The following ANKDD1B variants were observed in gnomAD, a reference collection of about 807,000 sequenced individuals.
The protein encoded by ANKDD1B is ankyrin repeat and death domain containing 1B.
A neutral mutation model predicts 59.7 loss-of-function variants in ANKDD1B; 57 were observed. That is an observed-to-expected ratio of 0.95 (90% CI 0.77 to 1.19). The LOEUF (loss-of-function observed/expected upper bound fraction) is 1.19. ANKDD1B is among the 50% of genes most tolerant of loss of function. ANKDD1B has a pLI of 0.00. For synonymous variants in ANKDD1B, 216 were observed against 239.5 expected (o/e 0.90, Z 0.91); for missense variants, 602 against 641.9 (o/e 0.94, Z 0.67).
intron 5 of ANKDD1B, among the ~76,000 whole-genome samples, chr5:75,632,479 T>A (rs981591920): frequency 6.6e-6 from 1 of 152,116 alleles, no homozygotes; most frequent in Non-Finnish European, 1.5e-5. Flanking sequence ...GCCAAAAAAA[T>A]ATCTCATGGT....
chr5:75,644,346 G>A (rs1579957000), intron 7 of ANKDD1B, among the ~76,000 whole-genome samples: 1 of 97,018 alleles, frequency 1.0e-5, no homozygotes, highest in South Asian at 3.5e-4. Context: ...CTGTATTCAG[G>A]AAACCCATCT....
At chr5:75,634,311 A>G (rs979610724) in intron 5 of ANKDD1B, among the ~76,000 whole-genome samples, 2 of 152,228 alleles carry the variant, frequency 1.3e-5, no homozygotes, top group African/African-American at 2.4e-5. Flanking sequence ...TCTCTGGGTA[A>G]TGCCTCATTT....
At chr5:75,631,137 A>G (rs1774144614) in intron 5 of ANKDD1B, among the ~76,000 whole-genome samples, 1 of 152,222 alleles carries the variant, frequency 6.6e-6, no homozygotes, top group African/African-American at 2.4e-5. Flanking sequence ...GTTGTTCTGC[A>G]AAGTAAAATG....
At chr5:75,628,942 G>C (rs1774068823) in intron 5 of ANKDD1B, among the ~76,000 whole-genome samples, 2 of 152,140 alleles carry the variant, frequency 1.3e-5, no homozygotes, top group South Asian at 4.1e-4. Flanking sequence ...GAAATAGAAA[G>C]GCCTCACACG....
intron 10 of ANKDD1B, among the ~76,000 whole-genome samples, chr5:75,663,010 C>T (rs1269964401): frequency 2.0e-5 from 3 of 152,142 alleles, no homozygotes; most frequent in African/African-American, 7.2e-5. Flanking sequence ...GCCATCATGT[C>T]AGCATTCCAC....
chr5:75,625,659 G>A lies in ANKDD1B; in HGVS notation c.409G>A (p.Val137Ile), dbSNP rs539336156. Residue 137 changes from valine to isoleucine, a missense_variant, in exon 4 of 14, where the codon GTA (valine) becomes ATA (isoleucine). By Grantham distance (29) the Val-to-Ile change is conservative. This residue lies in a region of ANKDD1B where 317 missense variants were observed against 304.6 expected (regional missense o/e 1.04). Transcript: ENST00000601380. ...VDVADKHGLTVIHLAAWSGSL... is the reference protein window; with the variant it reads ...VDVADKHGLTIIHLAAWSGSL... The stretch of plus-strand genomic sequence containing the variant: ...CTTCTTGGGGAAGCACGGCTTGACA[G>A]TAATTCACCTTGCAGCCTGGTCTGG... 4.1e-5 allele frequency: 63 copies of A among 1,536,384 alleles called. No homozygotes were observed. Among genetic ancestry groups the A allele is most frequent in the Non-Finnish European group, 5.4e-5 (62 of 1,146,948 alleles).
At chr5:75,655,936 TC>T in intron 8 of ANKDD1B, 92 bp from the exon 9 acceptor site, 1 of 626,324 alleles carries the variant, frequency 1.6e-6, no homozygotes, top group Non-Finnish European at 2.8e-6. Flanking sequence ...ACTTGGGAGA[TC>T]ATCAGGAAAT....
At position 75,611,629 on chromosome 5, in the gene ANKDD1B, G is replaced by T; in HGVS notation, c.-6G>T. ...GGCCCTGCGCTCAGGGCCCGCGGAG[G>T]AGACTATGGACCCCGCCGGGCGCGC... On this transcript the variant is annotated 5_prime_UTR_variant, in exon 1 of 14. Coordinates refer to ENST00000601380, the MANE Select transcript of ANKDD1B (RefSeq NM_001276713.2). The T allele has an allele frequency of 1.6e-6, 2 of 1,231,416 alleles. No homozygotes were observed. The highest frequency in any genetic ancestry group is 2.0e-6 in the Non-Finnish European group (2 of 987,870). The allele number at this position is 1,231,416 out of a possible 1,614,324, so 76.3% of individuals were successfully genotyped here.
chr5:75,664,050 C>T (rs1032961010), intron 11 of ANKDD1B, among the ~76,000 whole-genome samples: 1 of 152,246 alleles, frequency 6.6e-6, no homozygotes, highest in South Asian at 2.1e-4. Flanking sequence ...GACTGCCCTC[C>T]CCTGCAAGAT....
Position 75,620,374 on chromosome 5 carries a change from C to G in ANKDD1B, c.357C>G (p.Phe119Leu). 2 of 1,535,502 alleles carry G rather than the reference C, an allele frequency of 1.3e-6. No individual in the cohort carries two copies. Among genetic ancestry groups the G allele is most frequent in the Non-Finnish European group, 1.7e-6 (2 of 1,146,418 alleles). ...VGRNHLSAVD[F>L]LLKHKARVDV... is the part of the protein sequence containing the mutation. The stretch of plus-strand genomic sequence containing the variant: ...GAAATCATTTATCTGCAGTGGATTT[C>G]TTGCTTAAACACAAGGCCAGGGTGG... The change falls in exon 3 of 14, where the codon TTC becomes TTG. Residue 119 changes from phenylalanine to leucine, a missense_variant. Physicochemically the swap from Phe to Leu is conservative, Grantham distance 22. Coordinates refer to ENST00000601380, the MANE Select transcript of ANKDD1B (RefSeq NM_001276713.2).
At chr5:75,632,153 G>T (rs1336732897) in intron 5 of ANKDD1B, among the ~76,000 whole-genome samples, 2 of 151,740 alleles carry the variant, frequency 1.3e-5, no homozygotes, top group South Asian at 2.1e-4. Flanking sequence ...CTCATTGGTG[G>T]ACATTGAAGT....
chr5:75,670,247 T>G (rs536386234), intron 13 of ANKDD1B, among the ~76,000 whole-genome samples: 2 of 152,250 alleles, frequency 1.3e-5, no homozygotes, highest in Admixed American at 1.3e-4. Flanking sequence ...TTTTTATTAT[T>G]ATTTTTGGAT....
chr5:75,612,685 G>T (rs988048824), intron 1 of ANKDD1B, among the ~76,000 whole-genome samples: 7 of 152,102 alleles, frequency 4.6e-5, no homozygotes, highest in Non-Finnish European at 8.8e-5. Context: ...TGGTGGAGGG[G>T]TGATAGACAA....
At chr5:75,662,859 G>C (rs1330276263) in intron 10 of ANKDD1B, among the ~76,000 whole-genome samples, 1 of 151,952 alleles carries the variant, frequency 6.6e-6, no homozygotes, top group Non-Finnish European at 1.5e-5. Flanking sequence ...TTCTAGTTAG[G>C]GGTCCAGTGA....
intron 7 of ANKDD1B, among the ~76,000 whole-genome samples, chr5:75,652,264 C>A (rs1774852901): frequency 6.6e-6 from 1 of 152,138 alleles, no homozygotes; most frequent in Non-Finnish European, 1.5e-5. Flanking sequence ...ATTAGAGTTT[C>A]AACATATGAA....
intron 10 of ANKDD1B, 104 bp downstream of exon 10, chr5:75,659,485 G>A (rs1458858584): frequency 2.4e-6 from 2 of 818,780 alleles, no homozygotes; most frequent in African/African-American, 3.4e-5. Flanking sequence ...TGTGAAATGG[G>A]CACAAACTGG....
Position 75,670,224 on chromosome 5 carries a change from ATGAATTATCT to A in ANKDD1B, c.1526-752_1526-743del. Among the ~76,000 whole-genome samples the A allele has an allele frequency of 2.0e-5, 3 of 152,322 alleles. No individual in the cohort carries two copies. In the South Asian group the frequency reaches 6.2e-4, roughly 32 times the overall value. On this transcript the variant is annotated intron_variant, in intron 13 of 13. Coordinates refer to ENST00000601380, the MANE Select transcript of ANKDD1B (RefSeq NM_001276713.2). Reference sequence around the variant, plus strand: ...GCATTTACCCTGAAAAAACTTTGCCATGAATTATCTTGTTTTTATTATTATTTTTGGATCA... The same window carrying A: ...GCATTTACCCTGAAAAAACTTTGCCATGTTTTTATTATTATTTTTGGATCA...
intron 5 of ANKDD1B, among the ~76,000 whole-genome samples, chr5:75,626,621 C>T (rs1236020484): frequency 6.6e-6 from 1 of 152,186 alleles, no homozygotes; most frequent in African/African-American, 2.4e-5. Flanking sequence ...AGACCAAACA[C>T]CTGATCAAAA....
intron 1 of ANKDD1B, among the ~76,000 whole-genome samples, chr5:75,615,668 C>CTGTG (rs113185824): frequency 0.054 from 7,808 of 144,246 alleles, 372 homozygotes; most frequent in African/African-American, 0.13. Flanking sequence ...CTGGTCTTCC[C>CTGTG]TGTGTGTGTG....
Sources: gnomAD v4.1 joint callset for allele counts (sites outside exome capture counted in the v4.1 genomes callset) on GRCh38, gnomAD v4.1.1 for gene constraint, gnomAD v4.1.1 regional missense constraint, MANE v1.5 for transcripts, NCBI Gene and HGNC (gene_info 2026-07-23, HGNC 2026-07-21) for gene names.